NRXN1: variants seen among roughly 807,000 people sequenced by gnomAD.
NRXN1 encodes neurexin-1.
A neutral mutation model predicts 150.9 loss-of-function variants in NRXN1; 39 were observed. The observed-to-expected ratio is 0.26, with a 90% CI of 0.20 to 0.34. The LOEUF (loss-of-function observed/expected upper bound fraction) is 0.34, where lower values mean the gene tolerates loss of function less well. Ranked by LOEUF, NRXN1 falls within the 10% of genes least tolerant of loss-of-function variation. The pLI is 1.00. For missense variants in NRXN1, 1,815 were observed against 1,949.9 expected (o/e 0.93, Z 1.30); for synonymous variants, 924 against 757.0 (o/e 1.22, Z -3.62).
At chr2:50,278,065 CTCTT>C (rs2070792855) in intron 17 of NRXN1, among the ~76,000 whole-genome samples, 2 of 78,236 alleles carry the variant, frequency 2.6e-5, no homozygotes, top group South Asian at 4.8e-4. Flanking sequence ...CTTTCTCTCT[CTCTT>C]TTTTTTTTTT....
intron 18 of NRXN1, among the ~76,000 whole-genome samples, chr2:50,096,855 T>C (rs1202582009): frequency 6.6e-6 from 1 of 152,224 alleles, no homozygotes; most frequent in African/African-American, 2.4e-5. Flanking sequence ...CATAGTTTAA[T>C]GCACTGTCTA....
intron 5 of NRXN1, among the ~76,000 whole-genome samples, chr2:50,814,866 T>C (rs1291066197): frequency 2.0e-5 from 3 of 152,168 alleles, no homozygotes; most frequent in South Asian, 4.1e-4. Context: ...CTGGACACCA[T>C]CTGTTTGATT....
chr2:50,337,266 G>C (rs768430863), intron 17 of NRXN1, among the ~76,000 whole-genome samples: 3 of 151,746 alleles, frequency 2.0e-5, no homozygotes, highest in Non-Finnish European at 2.9e-5. Flanking sequence ...TGTATTTTTA[G>C]TACGGATGGG....
Position 50,870,967 on chromosome 2 carries a change from G to A in NRXN1, c.832+50902C>T, listed in dbSNP as rs538014700. On this transcript the variant is annotated intron_variant, in intron 5 of 22. Transcript: ENST00000401669. ...ATAAGTTAACAATAGTTTTTGAGGTGCTGTGGGATTTTAAAGTACATTCTG... is the reference window on the plus strand; with the variant it reads ...ATAAGTTAACAATAGTTTTTGAGGTACTGTGGGATTTTAAAGTACATTCTG... 7.2e-5 allele frequency among the ~76,000 whole-genome samples: 11 copies of A among 151,968 alleles called. No individual in the cohort carries two copies. The South Asian group carries it at 2.3e-3, about 32-fold the overall frequency.
chr2:50,570,833 T>C (rs976865642), intron 8 of NRXN1, among the ~76,000 whole-genome samples: 1 of 152,144 alleles, frequency 6.6e-6, no homozygotes, highest in African/African-American at 2.4e-5. Flanking sequence ...ATATGATTTA[T>C]TTTGATATCA....
chr2:50,356,970 C>G (rs1417354930), intron 17 of NRXN1, among the ~76,000 whole-genome samples: 1 of 151,994 alleles, frequency 6.6e-6, no homozygotes, highest in African/African-American at 2.4e-5. Context: ...ACAAATGCCT[C>G]ACTACCAATG....
At chr2:50,092,571 C>A (rs1262503996) in intron 18 of NRXN1, among the ~76,000 whole-genome samples, 2 of 152,156 alleles carry the variant, frequency 1.3e-5, no homozygotes, top group Non-Finnish European at 1.5e-5. Flanking sequence ...AGTTTTAAAT[C>A]AGAATGTTAG....
At chr2:50,941,248 G>T (rs1030724671) in intron 2 of NRXN1, among the ~76,000 whole-genome samples, 1 of 152,128 alleles carries the variant, frequency 6.6e-6, no homozygotes, top group African/African-American at 2.4e-5. Context: ...CCGAGTCTCG[G>T]GTAGTTCTTT....
chr2:50,031,473 T>C (rs116297141), intron 21 of NRXN1, among the ~76,000 whole-genome samples: 4,071 of 152,138 alleles, frequency 0.027, 170 homozygotes, highest in African/African-American at 0.093. Flanking sequence ...TGAATAAAAT[T>C]CAATTCTCTT....
chr2:50,637,674 T>G (rs1683431637), intron 5 of NRXN1: 1 of 152,180 alleles, frequency 6.6e-6, no homozygotes, highest in Non-Finnish European at 1.5e-5. Flanking sequence ...TCTTTTCAGG[T>G]TCTGAATTCC....
In NRXN1 at chr2:50,102,644, A is replaced by G. The variant is rs575152690; in HGVS notation, c.3547-11150T>C. 7.2e-5 allele frequency among the ~76,000 whole-genome samples: 11 copies of G among 152,192 alleles called. No individual in the cohort carries two copies. In the East Asian group the frequency reaches 1.5e-3, roughly 21 times the overall value. On this transcript the variant is annotated intron_variant, in intron 18 of 22. Coordinates refer to ENST00000401669, the MANE Select transcript of NRXN1 (RefSeq NM_001330078.2). ...CATGCTAAGTTTCAAGAAGGCAAAG[A>G]GTAAGGATAGCATGAGAGGAACTGA...
At chr2:51,013,561 A>T (rs1668223128) in intron 2 of NRXN1, among the ~76,000 whole-genome samples, 2 of 151,822 alleles carry the variant, frequency 1.3e-5, no homozygotes, top group East Asian at 3.9e-4. Flanking sequence ...AAAGGCTTTC[A>T]GAAAAGTCCA....
At chr2:50,735,479 G>A (rs966207182) in intron 5 of NRXN1, among the ~76,000 whole-genome samples, 3 of 151,978 alleles carry the variant, frequency 2.0e-5, no homozygotes, top group Non-Finnish European at 2.9e-5. Flanking sequence ...GAAGCCACTG[G>A]GAATTTTGAA....
rs1055583777 is a variant in NRXN1 at position 50,553,013 on chromosome 2, T to A, written c.1333A>T (p.Asn445Tyr). Residue 445 changes from asparagine (N) to tyrosine (Y), a missense_variant, in exon 9 of 23, where the codon AAT becomes TAT. By Grantham distance (143) the Asn-to-Tyr change is moderately radical (BLOSUM62 -2). This residue lies in a region of NRXN1 where 638 missense variants were observed against 652.6 expected (regional missense o/e 0.98). Coordinates refer to ENST00000401669, the MANE Select transcript of NRXN1 (RefSeq NM_001330078.2). ...GATAATTCCAGCCTCACATCATTATTTTTATATACAACCTGTGGGCAGAGG... is the reference window on the plus strand; with the variant it reads ...GATAATTCCAGCCTCACATCATTATATTTATATACAACCTGTGGGCAGAGG... Reference protein sequence around the residue: ...MGCLKEVVYKNNDVRLELSRL... With the variant: ...MGCLKEVVYKYNDVRLELSRL... 3 of 1,607,978 alleles carry A rather than the reference T, an allele frequency of 1.9e-6. No homozygotes were observed. The highest frequency in any genetic ancestry group is 2.5e-6 in the Non-Finnish European group (3 of 1,177,112).
intron 2 of NRXN1, among the ~76,000 whole-genome samples, chr2:50,981,837 GTGTGTA>G (rs201264417): frequency 5.2e-5 from 6 of 115,972 alleles, no homozygotes; most frequent in Admixed American, 3.7e-4. Context: ...GTGTGTGTGT[GTGTGTA>G]TGTGTGTGTG....
chr2:50,834,409 T>C (rs563713881), intron 5 of NRXN1, among the ~76,000 whole-genome samples: 30 of 152,268 alleles, frequency 2.0e-4, no homozygotes, highest in Admixed American at 1.9e-3. Context: ...TGCTCAGTTT[T>C]TGAGGGGTTG....
chr2:50,413,230 T>A (rs1403984817), intron 17 of NRXN1, among the ~76,000 whole-genome samples: 1 of 152,040 alleles, frequency 6.6e-6, no homozygotes, highest in African/African-American at 2.4e-5. Context: ...ATATAACAAC[T>A]TTACAGAAAA....
chr2:49,958,472 C>A (rs937623696), intron 21 of NRXN1, among the ~76,000 whole-genome samples: 1 of 152,082 alleles, frequency 6.6e-6, no homozygotes, highest in Non-Finnish European at 1.5e-5. Context: ...TGTTATCACG[C>A]CTCTGCCATC....
intron 17 of NRXN1, among the ~76,000 whole-genome samples, chr2:50,335,241 G>A (rs1163959370): frequency 6.6e-6 from 1 of 152,130 alleles, no homozygotes; most frequent in Non-Finnish European, 1.5e-5. Flanking sequence ...TACAGTTGCT[G>A]AGCATTTTCC....
Sources: allele counts gnomAD v4.1 joint callset (sites outside exome capture counted in the v4.1 genomes callset), GRCh38; gene constraint gnomAD v4.1.1; regional missense constraint gnomAD v4.1.1; transcripts MANE v1.5; gene names NCBI Gene and HGNC (gene_info 2026-07-23, HGNC 2026-07-21).